Variants in THEMIS observed in about 807,000 individuals in gnomAD.
THEMIS encodes the protein thymocyte selection associated.
A neutral mutation model predicts 52.6 loss-of-function variants in THEMIS; 37 were observed. The observed-to-expected ratio is 0.70, with a 90% CI of 0.54 to 0.93. The LOEUF (loss-of-function observed/expected upper bound fraction) is 0.93. Ranked by LOEUF, THEMIS falls within the 40% of genes least tolerant of loss-of-function variation. The pLI is 0.00. For missense variants in THEMIS, 808 were observed against 763.1 expected, an observed-to-expected ratio of 1.06 and a Z score of -0.69; for synonymous variants, 292 against 272.7, an observed-to-expected ratio of 1.07 and a Z score of -0.70.
chr6:127,867,427 C>T (rs1158057680), intron 1 of THEMIS, among the ~76,000 whole-genome samples: 1 of 152,094 alleles, frequency 6.6e-6, no homozygotes, highest in Non-Finnish European at 1.5e-5. Context: ...TTTTATGTTG[C>T]TTTCTTCAAC....
chr6:127,868,104 G>A (rs900255187), intron 1 of THEMIS, among the ~76,000 whole-genome samples: 22 of 152,114 alleles, frequency 1.4e-4, no homozygotes, highest in Non-Finnish European at 2.4e-4. Context: ...CCTCAACTTC[G>A]TTATCTTTAA....
intron 1 of THEMIS, among the ~76,000 whole-genome samples, chr6:127,893,358 T>C (rs1163506545): frequency 1.3e-5 from 2 of 152,174 alleles, no homozygotes; most frequent in African/African-American, 2.4e-5. Context: ...AAGATTGATC[T>C]CAGCCAGTCA....
At chr6:127,876,434 A>T (rs1483780428) in intron 1 of THEMIS, among the ~76,000 whole-genome samples, 2 of 152,342 alleles carry the variant, frequency 1.3e-5, no homozygotes, top group Admixed American at 6.5e-5. Context: ...TCAAATGGTC[A>T]TCCTTAAACA....
At chr6:127,836,088 G>A (rs1016370749) in intron 2 of THEMIS, among the ~76,000 whole-genome samples, 1 of 152,104 alleles carries the variant, frequency 6.6e-6, no homozygotes. Flanking sequence ...TTGAAAAAGT[G>A]TTTTATTCAT....
chr6:127,780,696 TTTTC>T (rs1776714150), intron 4 of THEMIS, among the ~76,000 whole-genome samples: 1 of 152,264 alleles, frequency 6.6e-6, no homozygotes, highest in South Asian at 2.1e-4. Context: ...TTGAAAATTC[TTTTC>T]TTTAAGAATG....
the THEMIS span, among the ~76,000 whole-genome samples, chr6:127,703,035 G>GGTTTTTTTTTTTTTTTTTTT: frequency 3.0e-4 from 25 of 82,386 alleles, 4 homozygotes; most frequent in South Asian, 4.6e-4. Flanking sequence ...TTTAGAATGA[G>GGTTTTTTTTTTTTTTTTTTT]TTTTTTTTTT....
intron 5 of THEMIS, among the ~76,000 whole-genome samples, chr6:127,717,287 T>G (rs1224988770): frequency 6.6e-6 from 1 of 151,906 alleles, no homozygotes; most frequent in Non-Finnish European, 1.5e-5. Context: ...TTGCTCATGG[T>G]ATATAGCTAC....
intron 4 of THEMIS, among the ~76,000 whole-genome samples, chr6:127,721,679 T>C (rs1380080841): frequency 6.6e-6 from 1 of 152,046 alleles, no homozygotes; most frequent in East Asian, 1.9e-4. Context: ...ACTGTAATTT[T>C]TAAAATTTAT....
intron 4 of THEMIS, among the ~76,000 whole-genome samples, chr6:127,726,214 A>G (rs1774541196): frequency 6.6e-6 from 1 of 152,160 alleles, no homozygotes; most frequent in African/African-American, 2.4e-5. Context: ...TCAGACATTT[A>G]AAAGAGTTGG....
intron 1 of THEMIS, among the ~76,000 whole-genome samples, chr6:127,868,719 T>C (rs2114371506): frequency 6.6e-6 from 1 of 152,282 alleles, no homozygotes; most frequent in Middle Eastern, 3.4e-3. Flanking sequence ...AGGAGCACTC[T>C]TAATGGAGAC....
intron 2 of THEMIS, among the ~76,000 whole-genome samples, chr6:127,842,269 A>C (rs1779074950): frequency 6.6e-6 from 1 of 152,032 alleles, no homozygotes; most frequent in South Asian, 2.1e-4. Context: ...ACAATGAATG[A>C]CGATTGAATG....
At chr6:127,705,282 TAATC>T (rs1225731822), downstream of THEMIS, among the ~76,000 whole-genome samples, 1 of 152,220 alleles carries the variant, frequency 6.6e-6, no homozygotes. Flanking sequence ...CATGTTGACT[TAATC>T]AGTAGATATC....
At chr6:127,787,870 GAT>G (rs781284802) in intron 4 of THEMIS, among the ~76,000 whole-genome samples, 4 of 95,424 alleles carry the variant, frequency 4.2e-5, no homozygotes, top group African/African-American at 1.6e-4. Flanking sequence ...TAGATAGATA[GAT>G]AGATAGATAT....
chr6:127,702,458 G>A, the THEMIS span, among the ~76,000 whole-genome samples: 7 of 151,786 alleles, frequency 4.6e-5, no homozygotes, highest in African/African-American at 1.2e-4. Flanking sequence ...TGAATTTCTC[G>A]TGCTCTTACT....
intron 4 of THEMIS, among the ~76,000 whole-genome samples, chr6:127,744,960 T>C (rs796729425): frequency 2.0e-5 from 3 of 151,926 alleles, no homozygotes; most frequent in African/African-American, 4.8e-5. Flanking sequence ...CTTATGTATA[T>C]CCAGACTCTT....
intron 5 of THEMIS, among the ~76,000 whole-genome samples, chr6:127,716,482 G>A (rs1230642037): frequency 6.6e-6 from 1 of 151,882 alleles, no homozygotes; most frequent in Non-Finnish European, 1.5e-5. Flanking sequence ...GATGCAGGGG[G>A]TATAAAGGTC....
At position 127,736,451 on chromosome 6, in the gene THEMIS, T is replaced by C. The variant is rs1218287175; in HGVS notation, c.1759-16628A>G. ...GGAATAAAATTGATAATAGGGGAAA[T>C]TTAAGAGCTGAGTATTTATTGATAT... is the stretch of plus-strand genomic sequence containing the variant. On this transcript the variant is annotated intron_variant, in intron 4 of 5. Coordinates refer to ENST00000368248, the MANE Select transcript of THEMIS (RefSeq NM_001010923.3). 2.0e-5 allele frequency among the ~76,000 whole-genome samples: 3 copies of C among 152,038 alleles called. No individual in the cohort carries two copies. The East Asian group carries it at 5.8e-4, about 29-fold the overall frequency.
In THEMIS at chr6:127,708,706, T is replaced by A. The variant is rs1039670555; in HGVS notation, c.*1279A>T. Reference sequence around the variant, plus strand: ...CCACAATCAAATCACTAAGCAATTTTTAGGACACTAGAAATCAGGATTCAT... The same window carrying A: ...CCACAATCAAATCACTAAGCAATTTATAGGACACTAGAAATCAGGATTCAT... On this transcript the variant is annotated 3_prime_UTR_variant, in exon 6 of 6. Coordinates refer to ENST00000368248, the MANE Select transcript of THEMIS (RefSeq NM_001010923.3). 3.9e-5 allele frequency: 6 copies of A among 152,180 alleles called. No homozygotes were observed. Among genetic ancestry groups the A allele is most frequent in the Admixed American group, 3.3e-4 (5 of 15,282 alleles). The allele number at this position is 152,180 out of a possible 1,614,324, so 9.4% of individuals were successfully genotyped here.
intron 4 of THEMIS, among the ~76,000 whole-genome samples, chr6:127,790,688 G>A (rs1415490576): frequency 6.6e-6 from 1 of 152,152 alleles, no homozygotes; most frequent in African/African-American, 2.4e-5. Context: ...CACTCGGCCT[G>A]GCAGCCTGAA....
Sources: gnomAD v4.1 joint callset for allele counts (sites outside exome capture counted in the v4.1 genomes callset) on GRCh38, gnomAD v4.1.1 for gene constraint, MANE v1.5 for transcripts, NCBI Gene and HGNC (gene_info 2026-07-23, HGNC 2026-07-21) for gene names.